FMN1: variants seen among roughly 807,000 people sequenced by gnomAD.
The protein encoded by FMN1 is formin 1.
In FMN1, 110 loss-of-function variants were observed where a neutral mutation model predicts 132.4. The observed-to-expected ratio is 0.83, with a 90% confidence interval of 0.71 to 0.97. The LOEUF (loss-of-function observed/expected upper bound fraction) is 0.97. Among genes scored for constraint, FMN1 ranks in the 50% least tolerant of loss-of-function variants. The pLI is 0.00. For synonymous variants in FMN1, 722 were observed against 651.7 expected, an observed-to-expected ratio of 1.11 and a Z score of -1.64; for missense variants, 1,792 against 1,705.3, an observed-to-expected ratio of 1.05 and a Z score of -0.90.
chr15:32,822,591 C>T (rs939246854), intron 17 of FMN1, among the ~76,000 whole-genome samples: 2 of 151,994 alleles, frequency 1.3e-5, no homozygotes, highest in African/African-American at 4.8e-5. Flanking sequence ...CTTGATTTCT[C>T]AAGGTTCATT....
chr15:33,132,639 C>G (rs565852301), intron 4 of FMN1, among the ~76,000 whole-genome samples: 1 of 152,294 alleles, frequency 6.6e-6, no homozygotes, highest in South Asian at 2.1e-4. Flanking sequence ...ACAGGAACAT[C>G]CAAACCTGCA....
intron 18 of FMN1, among the ~76,000 whole-genome samples, chr15:32,799,995 C>T (rs35862732): frequency 0.013 from 1,978 of 151,722 alleles, 42 homozygotes; most frequent in African/African-American, 0.046. Context: ...GTGTGGCCAT[C>T]CTGAATACTG....
chr15:32,908,208 A>T, intron 12 of FMN1: 1 of 295,708 alleles, frequency 3.4e-6, no homozygotes, highest in Non-Finnish European at 6.4e-6. Flanking sequence ...CTTTTGGTCA[A>T]ATTGTTTAGT....
intron 4 of FMN1, among the ~76,000 whole-genome samples, chr15:33,145,468 A>G (rs1049811382): frequency 2.0e-5 from 3 of 151,738 alleles, no homozygotes; most frequent in African/African-American, 7.3e-5. Flanking sequence ...TTTTAGTAAC[A>G]TTACTCTTTA....
At chr15:33,026,734 T>C (rs2141042958) in intron 6 of FMN1, among the ~76,000 whole-genome samples, 1 of 152,124 alleles carries the variant, frequency 6.6e-6, no homozygotes, top group East Asian at 1.9e-4. Context: ...TGAAGGTCAG[T>C]CTCTTAAGAG....
intron 4 of FMN1, among the ~76,000 whole-genome samples, chr15:33,105,047 C>G (rs983802549): frequency 2.6e-5 from 4 of 152,076 alleles, no homozygotes; most frequent in Non-Finnish European, 5.9e-5. Flanking sequence ...GGGGAGCTAT[C>G]TCACTACATA....
At chr15:32,936,090 CATA>C (rs1465030955) in intron 9 of FMN1, among the ~76,000 whole-genome samples, 1 of 152,166 alleles carries the variant, frequency 6.6e-6, no homozygotes, top group South Asian at 2.1e-4. Context: ...TTTGGTTCTT[CATA>C]ATATTTTCTA....
At chr15:33,048,493 A>T (rs1426017438) in intron 6 of FMN1, among the ~76,000 whole-genome samples, 1 of 151,934 alleles carries the variant, frequency 6.6e-6, no homozygotes, top group African/African-American at 2.4e-5. Context: ...CACTAAAAGT[A>T]AAAGTTTCTA....
Position 32,894,313 on chromosome 15 carries a change from C to T in FMN1, c.3714+4521G>A, listed in dbSNP as rs141320199. Among the ~76,000 whole-genome samples the T allele has an allele frequency of 4.2e-3, 640 of 151,992 alleles. 2 individuals carry two copies. The highest frequency in any genetic ancestry group is 7.2e-3 in the Non-Finnish European group (490 of 67,966). ...CAGCCTGGCCAACATAGTGAAACCC[C>T]GTTTCTGCTAAAAATACAAAAAAAA... On this transcript the variant is annotated intron_variant, in intron 15 of 20. Coordinates refer to ENST00000616417, the MANE Select transcript of FMN1 (RefSeq NM_001277313.2).
intron 7 of FMN1, among the ~76,000 whole-genome samples, chr15:33,000,842 T>G (rs985490320): frequency 6.6e-6 from 1 of 152,232 alleles, no homozygotes; most frequent in African/African-American, 2.4e-5. Context: ...TCAAATATAT[T>G]TGACCATGAA....
intron 7 of FMN1, among the ~76,000 whole-genome samples, chr15:33,007,701 A>G (rs1471075492): frequency 6.6e-6 from 1 of 152,188 alleles, no homozygotes; most frequent in Non-Finnish European, 1.5e-5. Flanking sequence ...GTACCTAGAA[A>G]AAAAAACTTC....
chr15:33,032,765 C>T (rs2035995287), intron 6 of FMN1, among the ~76,000 whole-genome samples: 1 of 152,136 alleles, frequency 6.6e-6, no homozygotes, highest in African/African-American at 2.4e-5. Context: ...AGTAAAGCCA[C>T]ACAATTAAGA....
At chr15:32,968,592 C>A in intron 8 of FMN1, 122 bp downstream of exon 8, 1 of 1,398,316 alleles carries the variant, frequency 7.2e-7, no homozygotes, top group Non-Finnish European at 9.6e-7. Flanking sequence ...TCCAAGCATT[C>A]ACTGTATCAC....
intron 7 of FMN1, among the ~76,000 whole-genome samples, chr15:32,976,922 TTG>T (rs1304127855): frequency 3.3e-5 from 5 of 152,200 alleles, no homozygotes; most frequent in African/African-American, 1.2e-4. Context: ...GCCTTCATCC[TTG>T]TGACTCTGCA....
At chr15:33,019,599 A>G (rs2604177) in intron 6 of FMN1, among the ~76,000 whole-genome samples, 101,713 of 151,838 alleles carry the variant, frequency 0.67, 35,010 homozygotes, top group Non-Finnish European at 0.75. Context: ...AGGCATGGCG[A>G]GCTGGAGGTC....
At chr15:32,782,563 G>C (rs2056699333) in intron 19 of FMN1, among the ~76,000 whole-genome samples, 1 of 152,174 alleles carries the variant, frequency 6.6e-6, no homozygotes, top group African/African-American at 2.4e-5. Context: ...TGCCCACAAG[G>C]AGACTAAGAC....
At chr15:33,191,774 C>T (rs1287424894) in intron 2 of FMN1, among the ~76,000 whole-genome samples, 3 of 152,166 alleles carry the variant, frequency 2.0e-5, no homozygotes, top group African/African-American at 7.2e-5. Context: ...ACACTAAATA[C>T]AGAGATGCTT....
At chr15:32,955,742 T>C (rs2061750782) in intron 9 of FMN1, among the ~76,000 whole-genome samples, 1 of 152,224 alleles carries the variant, frequency 6.6e-6, no homozygotes, top group Non-Finnish European at 1.5e-5. Flanking sequence ...CCCAAATCTA[T>C]ATTCAAATAA....
chr15:32,863,135 G>T (rs1414885603), intron 16 of FMN1, among the ~76,000 whole-genome samples: 3 of 152,188 alleles, frequency 2.0e-5, no homozygotes, highest in African/African-American at 7.2e-5. Flanking sequence ...TATCATACAG[G>T]AATCCATTCA....
Sources: allele counts gnomAD v4.1 joint callset (sites outside exome capture counted in the v4.1 genomes callset), GRCh38; gene constraint gnomAD v4.1.1; transcripts MANE v1.5; gene names NCBI Gene and HGNC (gene_info 2026-07-23, HGNC 2026-07-21).